Variants in ZFAND6 observed in about 807,000 individuals in gnomAD.
The protein encoded by ZFAND6 is zinc finger AN1-type containing 6.
ZFAND6 carries 12 observed loss-of-function variants against 24.5 expected under a neutral mutation model. The observed-to-expected ratio is 0.49, with a 90% CI of 0.31 to 0.79. The LOEUF is 0.79. Ranked by LOEUF, ZFAND6 falls within the 30% of genes least tolerant of loss-of-function variation. The pLI is 0.04. For synonymous variants in ZFAND6, 92 were observed against 81.5 expected, an observed-to-expected ratio of 1.13 and a Z score of -0.69; for missense variants, 207 against 245.9, an observed-to-expected ratio of 0.84 and a Z score of 1.06.
chr15:80,098,277 T>G (rs2038847883), intron 1 of ZFAND6, 139 bp from the exon 2 acceptor site: 1 of 152,194 alleles, frequency 6.6e-6, no homozygotes, highest in African/African-American at 2.4e-5. Flanking sequence ...ATTGGAATGT[T>G]TTTATTTTTC....
chr15:80,092,281 G>A (rs1204092911), intron 1 of ZFAND6, among the ~76,000 whole-genome samples: 1 of 147,246 alleles, frequency 6.8e-6, no homozygotes, highest in African/African-American at 2.5e-5. Context: ...GATCCCAGGA[G>A]TTCGAGACAA....
chr15:80,069,828 T>A (rs1307294493), intron 1 of ZFAND6, among the ~76,000 whole-genome samples: 1 of 152,020 alleles, frequency 6.6e-6, no homozygotes, highest in Non-Finnish European at 1.5e-5. Context: ...AGGCTGGTCT[T>A]GAACTCCTGA....
intron 1 of ZFAND6, among the ~76,000 whole-genome samples, chr15:80,091,176 T>TGTGTGTGTAC (rs1325104331): frequency 5.3e-5 from 8 of 152,040 alleles, no homozygotes; most frequent in Admixed American, 5.2e-4. Flanking sequence ...TGTGTGTGTG[T>TGTGTGTGTAC]GTGTGTGTGT....
At chr15:80,070,166 A>T (rs2036894668) in intron 1 of ZFAND6, among the ~76,000 whole-genome samples, 1 of 152,174 alleles carries the variant, frequency 6.6e-6, no homozygotes, top group Non-Finnish European at 1.5e-5. Context: ...AATAGTCTAG[A>T]TATTGATTCT....
chr15:80,090,896 T>C (rs2038317996), intron 1 of ZFAND6, among the ~76,000 whole-genome samples: 1 of 152,224 alleles, frequency 6.6e-6, no homozygotes, highest in Non-Finnish European at 1.5e-5. Context: ...ATAATAACTT[T>C]TTGACACCCT....
At chr15:80,067,127 T>C (rs1049389274) in intron 1 of ZFAND6, among the ~76,000 whole-genome samples, 4 of 152,158 alleles carry the variant, frequency 2.6e-5, no homozygotes, top group Admixed American at 6.5e-5. Context: ...GAATGACTGG[T>C]GTTTACTGAG....
At chr15:80,103,208 G>C (rs527256832) in intron 2 of ZFAND6, among the ~76,000 whole-genome samples, 1 of 152,200 alleles carries the variant, frequency 6.6e-6, no homozygotes, top group Non-Finnish European at 1.5e-5. Flanking sequence ...ACAAAGGAAC[G>C]TGTGTGAGAA....
chr15:80,096,277 A>C (rs2038716991), intron 1 of ZFAND6, among the ~76,000 whole-genome samples: 1 of 152,234 alleles, frequency 6.6e-6, no homozygotes, highest in African/African-American at 2.4e-5. Flanking sequence ...TTTTATGCAG[A>C]AAGCATGCTT....
chr15:80,109,959 T>A (rs1002724210), intron 2 of ZFAND6, among the ~76,000 whole-genome samples: 7 of 152,344 alleles, frequency 4.6e-5, no homozygotes, highest in African/African-American at 1.7e-4. Context: ...CAGCTAAGGC[T>A]GCAGTCATTC....
intron 1 of ZFAND6, among the ~76,000 whole-genome samples, chr15:80,078,168 AG>A (rs1177709173): frequency 1.3e-5 from 2 of 152,208 alleles, no homozygotes; most frequent in African/African-American, 4.8e-5. Context: ...CAGTGACCAT[AG>A]TACCTGATAG....
intron 1 of ZFAND6, among the ~76,000 whole-genome samples, chr15:80,088,545 G>A (rs922084669): frequency 2.0e-5 from 3 of 151,338 alleles, no homozygotes; most frequent in South Asian, 2.2e-4. Flanking sequence ...CAGCCTGGGC[G>A]ATAAGAGCGA....
At chr15:80,097,556 G>A (rs1213071932) in intron 1 of ZFAND6, among the ~76,000 whole-genome samples, 2 of 152,164 alleles carry the variant, frequency 1.3e-5, no homozygotes, top group African/African-American at 4.8e-5. Flanking sequence ...GACTGAGGCA[G>A]GAGAATCTCT....
intron 1 of ZFAND6, among the ~76,000 whole-genome samples, chr15:80,074,954 C>T (rs1293018567): frequency 6.6e-6 from 1 of 151,956 alleles, no homozygotes; most frequent in Non-Finnish European, 1.5e-5. Flanking sequence ...TTGATGGAAC[C>T]AGTAGTTGAG....
intron 1 of ZFAND6, among the ~76,000 whole-genome samples, chr15:80,088,094 T>C (rs1318792810): frequency 2.6e-5 from 4 of 152,218 alleles, no homozygotes; most frequent in African/African-American, 9.6e-5. Context: ...ATACTGTCCT[T>C]ATTTAGTTTT....
chr15:80,129,674 C>T (rs935298022), intron 5 of ZFAND6: 1 of 152,042 alleles, frequency 6.6e-6, no homozygotes, highest in Non-Finnish European at 1.5e-5. Flanking sequence ...CCGATGTCTC[C>T]CCTCAAAGAA....
At chr15:80,104,366 T>A (rs1316840754) in intron 2 of ZFAND6, among the ~76,000 whole-genome samples, 4 of 152,152 alleles carry the variant, frequency 2.6e-5, no homozygotes, top group Non-Finnish European at 2.9e-5. Flanking sequence ...CTTCTAAAAA[T>A]ACAAAAATTA....
chr15:80,113,274 G>A (rs182071929), intron 2 of ZFAND6, among the ~76,000 whole-genome samples: 1 of 152,278 alleles, frequency 6.6e-6, no homozygotes, highest in African/African-American at 2.4e-5. Context: ...AGGAACATGA[G>A]TCCAATATTG....
intron 1 of ZFAND6, among the ~76,000 whole-genome samples, chr15:80,086,316 G>C (rs1182054766): frequency 6.6e-6 from 1 of 152,226 alleles, no homozygotes; most frequent in East Asian, 1.9e-4. Flanking sequence ...GGGATTACAG[G>C]CATGAGCCAC....
intron 3 of ZFAND6, chr15:80,120,706 A>G (rs887956144): frequency 1.2e-5 from 4 of 331,990 alleles, no homozygotes; most frequent in African/African-American, 8.5e-5. Context: ...GTAAATTCAT[A>G]CCATAATCTT....
Sources: gnomAD v4.1 joint callset for allele counts (sites outside exome capture counted in the v4.1 genomes callset) on GRCh38, gnomAD v4.1.1 for gene constraint, MANE v1.5 for transcripts, NCBI Gene and HGNC (gene_info 2026-07-23, HGNC 2026-07-21) for gene names.